Variants in CTNNA3 observed in about 807,000 individuals in gnomAD.
CTNNA3 encodes the protein catenin alpha-3.
Under a neutral mutation model 95.7 loss-of-function variants are expected in CTNNA3, and 76 were observed. The ratio of observed to expected loss-of-function variants is 0.79; its 90% CI spans 0.66 to 0.96. CTNNA3 has a LOEUF of 0.96. CTNNA3 is among the 40% of genes least tolerant of loss of function. The pLI, the probability that CTNNA3 is intolerant of heterozygous loss-of-function variation, is 0.00. For synonymous variants in CTNNA3, 431 were observed against 374.4 expected (o/e 1.15, Z -1.74); for missense variants, 1,191 against 1,089.8 (o/e 1.09, Z -1.31).
chr10:67,030,050 T>C (rs1353175898), intron 7 of CTNNA3, among the ~76,000 whole-genome samples: 1 of 152,250 alleles, frequency 6.6e-6, no homozygotes, highest in Non-Finnish European at 1.5e-5. Context: ...TTAATTTTTT[T>C]CTAAAAAACA....
chr10:66,024,172 C>T (rs1180459219), intron 15 of CTNNA3, among the ~76,000 whole-genome samples: 2 of 148,428 alleles, frequency 1.3e-5, no homozygotes, highest in African/African-American at 5.0e-5. Context: ...TCACCGCAAG[C>T]TCCGCCTCCC....
intron 14 of CTNNA3, among the ~76,000 whole-genome samples, chr10:66,092,013 T>C (rs1397200755): frequency 1.3e-5 from 2 of 151,888 alleles, no homozygotes; most frequent in Non-Finnish European, 2.9e-5. Flanking sequence ...TCTTTCACCA[T>C]CTCCAGACTG....
intron 7 of CTNNA3, among the ~76,000 whole-genome samples, chr10:66,920,954 A>G (rs1421681106): frequency 2.0e-5 from 3 of 152,168 alleles, no homozygotes; most frequent in African/African-American, 7.2e-5. Context: ...TATCTCCTGG[A>G]TTGATATGGT....
intron 9 of CTNNA3, among the ~76,000 whole-genome samples, chr10:66,640,728 G>A (rs916431950): frequency 2.6e-5 from 4 of 152,020 alleles, no homozygotes; most frequent in African/African-American, 9.7e-5. Context: ...AGTTCCCCAG[G>A]GAAGAATTTT....
chr10:66,550,867 G>A (rs933739695), intron 10 of CTNNA3, among the ~76,000 whole-genome samples: 3 of 150,570 alleles, frequency 2.0e-5, no homozygotes, highest in Non-Finnish European at 4.4e-5. Context: ...AAGCTGTCAT[G>A]GTTTACTAAG....
intron 7 of CTNNA3, among the ~76,000 whole-genome samples, chr10:66,839,285 G>A (rs921899757): frequency 6.6e-6 from 1 of 152,054 alleles, no homozygotes; most frequent in African/African-American, 2.4e-5. Context: ...TGAGCTATGG[G>A]TTTATACTGG....
At chr10:66,373,044 C>T (rs1011263458) in intron 12 of CTNNA3, among the ~76,000 whole-genome samples, 2 of 152,032 alleles carry the variant, frequency 1.3e-5, no homozygotes, top group Non-Finnish European at 2.9e-5. Context: ...TTATATTATT[C>T]CTCATTTAAC....
chr10:66,741,123 A>C (rs200807706), intron 9 of CTNNA3, among the ~76,000 whole-genome samples: 1 of 152,230 alleles, frequency 6.6e-6, no homozygotes, highest in African/African-American at 2.4e-5. Flanking sequence ...AATTATGATT[A>C]GATTTTTTAA....
chr10:66,763,672 G>T (rs1839716666), intron 9 of CTNNA3, among the ~76,000 whole-genome samples: 6 of 152,096 alleles, frequency 3.9e-5, no homozygotes, highest in Admixed American at 3.9e-4. Context: ...CTCTGTAATT[G>T]GTTTGACCAA....
chr10:66,979,491 T>C (rs969164843), intron 7 of CTNNA3, among the ~76,000 whole-genome samples: 15 of 152,302 alleles, frequency 9.8e-5, no homozygotes, highest in African/African-American at 3.6e-4. Flanking sequence ...TCACAGAAGC[T>C]GGAAAATTTC....
chr10:66,859,504 T>A (rs368968939), intron 7 of CTNNA3, among the ~76,000 whole-genome samples: 2 of 151,938 alleles, frequency 1.3e-5, no homozygotes, highest in Admixed American at 6.6e-5. Context: ...ATCATTAAAA[T>A]GTCAGGAAAC....
At position 67,180,425 on chromosome 10, in the gene CTNNA3, C is replaced by G; in HGVS notation, c.939G>C (p.Leu313=). The G allele has an allele frequency of 1.2e-6, 2 of 1,613,888 alleles. No homozygotes were observed. Among genetic ancestry groups the G allele is most frequent in the Non-Finnish European group, 1.7e-6 (2 of 1,179,882 alleles). The change falls in exon 7 of 18, where the codon CTG becomes CTC. Residue 313 remains leucine (L), a synonymous_variant. Transcript: ENST00000433211. Reference sequence around the variant, plus strand: ...CCCTCGTACATGAAGAATCCGCCAGCAGAGCAGCCCCACTGATAATGGCTT... The same window carrying G: ...CCCTCGTACATGAAGAATCCGCCAGGAGAGCAGCCCCACTGATAATGGCTT... ...RLEAIISGAA[L]LADSSCTRDL...
intron 9 of CTNNA3, among the ~76,000 whole-genome samples, chr10:66,658,722 C>A (rs1846153493): frequency 6.6e-6 from 1 of 152,186 alleles, no homozygotes; most frequent in African/African-American, 2.4e-5. Flanking sequence ...GAGACAGGGT[C>A]TCACTCTGTT....
At chr10:66,219,048 T>C (rs1279617274) in intron 13 of CTNNA3, among the ~76,000 whole-genome samples, 1 of 152,196 alleles carries the variant, frequency 6.6e-6, no homozygotes, top group Non-Finnish European at 1.5e-5. Flanking sequence ...GTTGGTTATG[T>C]GGGAACAGAT....
At chr10:67,205,715 C>T (rs1243466120) in intron 6 of CTNNA3, among the ~76,000 whole-genome samples, 3 of 151,768 alleles carry the variant, frequency 2.0e-5, no homozygotes, top group Non-Finnish European at 4.4e-5. Flanking sequence ...GACTAAAACA[C>T]CAAAAAATGG....
At chr10:66,430,265 A>C (rs1413700710) in intron 11 of CTNNA3, among the ~76,000 whole-genome samples, 1 of 152,072 alleles carries the variant, frequency 6.6e-6, no homozygotes, top group Non-Finnish European at 1.5e-5. Context: ...GATACAAACA[A>C]ATGGAAGAAC....
intron 1 of CTNNA3, among the ~76,000 whole-genome samples, chr10:67,738,929 A>G (rs1210470518): frequency 6.6e-6 from 1 of 152,238 alleles, no homozygotes; most frequent in African/African-American, 2.4e-5. Context: ...CCTCCAAGAA[A>G]TATGGGACTA....
intron 10 of CTNNA3, among the ~76,000 whole-genome samples, chr10:66,609,235 T>G (rs1281652632): frequency 6.6e-6 from 1 of 151,298 alleles, no homozygotes; most frequent in Non-Finnish European, 1.5e-5. Flanking sequence ...AAATTTTTTT[T>G]GTATTTTTAG....
chr10:66,106,853 C>A (rs2081933756), intron 13 of CTNNA3, among the ~76,000 whole-genome samples: 1 of 152,096 alleles, frequency 6.6e-6, no homozygotes, highest in Non-Finnish European at 1.5e-5. Context: ...ACCAATGTTT[C>A]TGTCCTTTAG....
Sources: allele counts gnomAD v4.1 joint callset (sites outside exome capture counted in the v4.1 genomes callset), GRCh38; gene constraint gnomAD v4.1.1; transcripts MANE v1.5; gene names NCBI Gene and HGNC (gene_info 2026-07-23, HGNC 2026-07-21).